FAM171A1: variants seen among roughly 807,000 people sequenced by gnomAD.
FAM171A1 encodes protein FAM171A1.
In FAM171A1, 23 loss-of-function variants were observed where a neutral mutation model predicts 74.9. The ratio of observed to expected loss-of-function variants is 0.31; its 90% confidence interval spans 0.22 to 0.44. The LOEUF (loss-of-function observed/expected upper bound fraction) is 0.44. Ranked by LOEUF, FAM171A1 falls within the 20% of genes least tolerant of loss-of-function variation. The pLI is 1.00. For synonymous variants in FAM171A1, 527 were observed against 505.7 expected, an observed-to-expected ratio of 1.04 and a Z score of -0.57; for missense variants, 1,162 against 1,159.2, an observed-to-expected ratio of 1.00 and a Z score of -0.03.
chr10:15,265,061 T>C (rs1352357618), intron 3 of FAM171A1, among the ~76,000 whole-genome samples: 1 of 152,144 alleles, frequency 6.6e-6, no homozygotes, highest in Non-Finnish European at 1.5e-5. Flanking sequence ...AATTTTGTAA[T>C]TTTAAAAAGC....
chr10:15,269,985 A>T (rs1487917634), intron 3 of FAM171A1, among the ~76,000 whole-genome samples: 1 of 152,200 alleles, frequency 6.6e-6, no homozygotes, highest in East Asian at 1.9e-4. Flanking sequence ...AGCGATGCAG[A>T]AGACGGGTGA....
intron 1 of FAM171A1, among the ~76,000 whole-genome samples, chr10:15,315,765 A>G (rs1239134121): frequency 6.6e-6 from 1 of 152,208 alleles, no homozygotes; most frequent in Non-Finnish European, 1.5e-5. Context: ...TCAGGCCTTA[A>G]GAAGCTCTGA....
At position 15,212,709 on chromosome 10, in the gene FAM171A1, G is replaced by T. The variant is rs1479200567; in HGVS notation, c.*206C>A. On this transcript the variant is annotated 3_prime_UTR_variant, in exon 8 of 8. Coordinates refer to ENST00000378116, the MANE Select transcript of FAM171A1 (RefSeq NM_001010924.2). ...CACTTTCAGCCACCTCCTTGCAGGG[G>T]CGACATCCGCCAAAGTCATCCTTTA... 5.6e-6 allele frequency: 4 copies of T among 718,544 alleles called. No homozygotes were observed. Among genetic ancestry groups the T allele is most frequent in the Non-Finnish European group, 6.6e-6 (3 of 454,108 alleles). 44.5% of individuals were successfully genotyped at this position (718,544 alleles called of 1,614,324 possible).
intron 1 of FAM171A1, among the ~76,000 whole-genome samples, chr10:15,293,026 G>A (rs747638779): frequency 7.2e-5 from 11 of 152,034 alleles, no homozygotes; most frequent in East Asian, 1.9e-4. Flanking sequence ...CTTTTTATGC[G>A]TGACATTGAT....
chr10:15,319,641 C>G (rs1219706674), intron 1 of FAM171A1, among the ~76,000 whole-genome samples: 2 of 152,156 alleles, frequency 1.3e-5, no homozygotes, highest in Non-Finnish European at 2.9e-5. Context: ...CCATGTTGGC[C>G]AGGCTGGTCT....
chr10:15,335,675 T>C (rs1220321579), intron 1 of FAM171A1, among the ~76,000 whole-genome samples: 1 of 152,220 alleles, frequency 6.6e-6, no homozygotes, highest in Non-Finnish European at 1.5e-5. Flanking sequence ...GACAGGGGAC[T>C]TTCAGCCTTC....
At chr10:15,226,025 C>T (rs1296287852) in intron 5 of FAM171A1, among the ~76,000 whole-genome samples, 1 of 152,200 alleles carries the variant, frequency 6.6e-6, no homozygotes. Flanking sequence ...CAGCCTCTTC[C>T]AGGGGCTTAC....
chr10:15,284,197 G>T (rs756692391), intron 1 of FAM171A1, 92 bp from the exon 2 acceptor site: 76 of 1,149,720 alleles, frequency 6.6e-5, no homozygotes, highest in Non-Finnish European at 7.9e-5. Flanking sequence ...TGGAAGGAGG[G>T]CTCTGTAAGG....
At chr10:15,251,153 A>G (rs903698282) in intron 4 of FAM171A1, among the ~76,000 whole-genome samples, 2 of 152,158 alleles carry the variant, frequency 1.3e-5, no homozygotes, top group Non-Finnish European at 2.9e-5. Flanking sequence ...AAATAAGTAC[A>G]CTCAGCTTGA....
At chr10:15,262,855 G>A (rs1371490299) in intron 3 of FAM171A1, among the ~76,000 whole-genome samples, 1 of 152,224 alleles carries the variant, frequency 6.6e-6, no homozygotes, top group Non-Finnish European at 1.5e-5. Flanking sequence ...GGGCAGAGAA[G>A]CTGCAGGAGG....
rs1016848968 is a variant in FAM171A1 at position 15,212,726 on chromosome 10, C to T, written c.*189G>A. ...TTGCAGGGGCGACATCCGCCAAAGT[C>T]ATCCTTTATTCCGAGTAATAACTTT... is the stretch of plus-strand genomic sequence containing the variant. On this transcript the variant is annotated 3_prime_UTR_variant, in exon 8 of 8. Transcript: ENST00000378116. 65 of 840,816 alleles carry T rather than the reference C, an allele frequency of 7.7e-5. No homozygotes were observed. In the African/African-American group the frequency reaches 1.1e-3, roughly 14 times the overall value. 52.1% of individuals were successfully genotyped at this position (840,816 alleles called of 1,614,324 possible). A position where few individuals can be genotyped will look rare whatever the true frequency, so the allele number is the denominator to read the frequency against.
intron 5 of FAM171A1, among the ~76,000 whole-genome samples, chr10:15,229,708 T>C (rs868584459): frequency 5.7e-4 from 47 of 83,142 alleles, no homozygotes; most frequent in Admixed American, 1.3e-3. Context: ...ACCATCATCA[T>C]CATCACCACC....
At chr10:15,346,134 C>G (rs1305992635) in intron 1 of FAM171A1, among the ~76,000 whole-genome samples, 2 of 152,148 alleles carry the variant, frequency 1.3e-5, no homozygotes, top group African/African-American at 4.8e-5. Flanking sequence ...ACAGGGTTGT[C>G]TTGTCACCTA....
At chr10:15,324,520 A>AT (rs200575640) in intron 1 of FAM171A1, among the ~76,000 whole-genome samples, 1,863 of 152,276 alleles carry the variant, frequency 0.012, 37 homozygotes, top group African/African-American at 0.042. Context: ...ATACTAAAGT[A>AT]TTTTTTTGTG....
At chr10:15,370,914 C>T (rs1836136369) in intron 1 of FAM171A1, 42 bp downstream of exon 1, 4 of 970,436 alleles carry the variant, frequency 4.1e-6, no homozygotes. Flanking sequence ...GCGCCAGGCC[C>T]GGCGCGACAC....
intron 1 of FAM171A1, among the ~76,000 whole-genome samples, chr10:15,308,611 C>T (rs1835324461): frequency 1.3e-5 from 2 of 152,134 alleles, no homozygotes; most frequent in South Asian, 4.1e-4. Context: ...CGCCATTGCA[C>T]TCCAGCCTGG....
chr10:15,258,632 GC>G (rs1326487659), intron 3 of FAM171A1, among the ~76,000 whole-genome samples: 1 of 152,130 alleles, frequency 6.6e-6, no homozygotes, highest in Non-Finnish European at 1.5e-5. Context: ...AATGCATGCT[GC>G]CCTTGGAGAC....
intron 5 of FAM171A1, among the ~76,000 whole-genome samples, chr10:15,234,409 C>G (rs770057851): frequency 1.3e-5 from 2 of 152,114 alleles, no homozygotes; most frequent in Non-Finnish European, 2.9e-5. Flanking sequence ...TTGGACAAAA[C>G]GCACAAGCAA....
chr10:15,269,259 G>A (rs1007255997), intron 3 of FAM171A1, among the ~76,000 whole-genome samples: 12 of 151,832 alleles, frequency 7.9e-5, no homozygotes, highest in African/African-American at 2.4e-4. Flanking sequence ...GACTACAGGC[G>A]TGCAGTAGCA....
Sources: gnomAD v4.1 joint callset for allele counts (sites outside exome capture counted in the v4.1 genomes callset) on GRCh38, gnomAD v4.1.1 for gene constraint, MANE v1.5 for transcripts, NCBI Gene and HGNC (gene_info 2026-07-23, HGNC 2026-07-21) for gene names.